PACSIN1: variants seen among roughly 807,000 people sequenced by gnomAD.
PACSIN1 encodes the protein protein kinase C and casein kinase substrate in neurons 1.
In PACSIN1, 15 loss-of-function variants were observed where a neutral mutation model predicts 59.5. That is an observed-to-expected ratio of 0.25 (90% confidence interval 0.17 to 0.39). PACSIN1 has a LOEUF of 0.39. PACSIN1 is among the 10% of genes least tolerant of loss of function. The pLI, the probability that PACSIN1 is intolerant of heterozygous loss-of-function variation, is 1.00. For missense variants in PACSIN1, 420 were observed against 580.2 expected, an observed-to-expected ratio of 0.72 and a Z score of 2.84; for synonymous variants, 210 against 220.6, an observed-to-expected ratio of 0.95 and a Z score of 0.42.
At chr6:34,494,104 G>T (rs1000907170) in intron 1 of PACSIN1, among the ~76,000 whole-genome samples, 1 of 152,176 alleles carries the variant, frequency 6.6e-6, no homozygotes, top group Non-Finnish European at 1.5e-5. Flanking sequence ...CTGAAACCAA[G>T]CTGTAGATTC....
intron 1 of PACSIN1, among the ~76,000 whole-genome samples, chr6:34,490,237 T>TA (rs1766856159): frequency 6.7e-6 from 1 of 148,436 alleles, no homozygotes; most frequent in Non-Finnish European, 1.5e-5. Context: ...TTTTTTTTTT[T>TA]TTTTTTTTTT....
In PACSIN1 at chr6:34,514,031, G is replaced by A. The variant is rs945746891; in HGVS notation, c.-63-12212G>A. On this transcript the variant is annotated intron_variant, in intron 1 of 9. Transcript: ENST00000244458. The surrounding 1 kb of genome is among the most constrained non-coding windows in gnomAD (Gnocchi z 4.4). ...ATGTGTGTGCACGTGTCTTAAAGAT[G>A]TGCGTATGCTGATATTAGTGTCACA... Among the ~76,000 whole-genome samples, 10 of 152,212 alleles carry A rather than the reference G, an allele frequency of 6.6e-5. No homozygotes were observed. The highest frequency in any genetic ancestry group is 2.2e-4 in the African/African-American group (9 of 41,446).
At chr6:34,522,834 T>C (rs1767417690) in intron 1 of PACSIN1, among the ~76,000 whole-genome samples, 1 of 152,340 alleles carries the variant, frequency 6.6e-6, no homozygotes, top group South Asian at 2.1e-4. Flanking sequence ...GGAGATCTGA[T>C]GTCCAGGGGC....
intron 1 of PACSIN1, among the ~76,000 whole-genome samples, chr6:34,496,701 C>A (rs548774570): frequency 2.0e-4 from 30 of 152,270 alleles, no homozygotes; most frequent in South Asian, 1.5e-3. Flanking sequence ...ATGGTTAGAC[C>A]AGACAAAATG....
intron 1 of PACSIN1, among the ~76,000 whole-genome samples, chr6:34,503,519 G>T (rs1201449080): frequency 6.6e-6 from 1 of 152,114 alleles, no homozygotes; most frequent in Non-Finnish European, 1.5e-5. Flanking sequence ...GCCCAGCCTG[G>T]TGCAGGCTGC....
intron 1 of PACSIN1, among the ~76,000 whole-genome samples, chr6:34,511,883 G>T (rs1051670123): frequency 2.6e-5 from 4 of 152,114 alleles, no homozygotes; most frequent in African/African-American, 9.7e-5. Flanking sequence ...GGATAAGGAG[G>T]CAAGGAGGGG....
intron 1 of PACSIN1, among the ~76,000 whole-genome samples, chr6:34,475,898 C>A (rs1766632667): frequency 6.6e-6 from 1 of 152,176 alleles, no homozygotes; most frequent in Admixed American, 6.5e-5. Context: ...GGTTGCACAG[C>A]CAGGAAGGGG....
chr6:34,476,398 C>A (rs1766639034), intron 1 of PACSIN1, among the ~76,000 whole-genome samples: 1 of 152,306 alleles, frequency 6.6e-6, no homozygotes, highest in East Asian at 1.9e-4. Context: ...CTGCTTCCTG[C>A]AGCCCCTTCC....
At position 34,535,074 on chromosome 6, in the gene PACSIN1, C is replaced by G. The variant is rs1767670572; in HGVS notation, c.*2544C>G. 1 of 152,540 alleles carries G rather than the reference C, an allele frequency of 6.6e-6. No homozygotes were observed. Among genetic ancestry groups the G allele is most frequent in the Non-Finnish European group, 1.5e-5 (1 of 68,052 alleles). The allele number at this position is 152,540 out of a possible 1,614,324, so 9.4% of individuals were successfully genotyped here. A position where few individuals can be genotyped will look rare whatever the true frequency, so the allele number is the denominator to read the frequency against. ...CCTAGGCTTCCTGACTCCATTAGTT[C>G]CGACACTTGTGAAACTCCGAGAAGT... On this transcript the variant is annotated 3_prime_UTR_variant, in exon 10 of 10. Transcript: ENST00000244458.
rs368227704 is a variant in PACSIN1, at chr6:34,469,559, G to T, written c.-64+3289G>T. 3.4e-4 allele frequency among the ~76,000 whole-genome samples: 52 copies of T among 152,356 alleles called. No homozygotes were observed. The South Asian group carries it at 0.011, about 31-fold the overall frequency. On this transcript the variant is annotated intron_variant, in intron 1 of 9. Coordinates refer to ENST00000244458, the MANE Select transcript of PACSIN1 (RefSeq NM_020804.5). ...AAGTGGACTCTGATGCAGCCCAACA[G>T]GCAACAGGGTGCCCTGGGGCTAGAG...
chr6:34,513,267 G>C (rs1177223512), intron 1 of PACSIN1, among the ~76,000 whole-genome samples: 1 of 152,202 alleles, frequency 6.6e-6, no homozygotes, highest in Non-Finnish European at 1.5e-5. Flanking sequence ...TGATTGAGAG[G>C]GGTCTTGGAA....
At chr6:34,528,337 C>A (rs368273334) in intron 3 of PACSIN1, among the ~76,000 whole-genome samples, 1 of 152,222 alleles carries the variant, frequency 6.6e-6, no homozygotes, top group Non-Finnish European at 1.5e-5. Context: ...AGGCTGCCCC[C>A]CTCCGACCCC....
intron 1 of PACSIN1, among the ~76,000 whole-genome samples, chr6:34,510,684 G>C (rs1767187476): frequency 6.6e-6 from 1 of 152,116 alleles, no homozygotes. Context: ...AAATGTTCCT[G>C]CCTCATACTC....
chr6:34,531,548 C>A lies in PACSIN1; in HGVS notation c.1038-52C>A. On this transcript the variant is annotated intron_variant, in intron 8 of 9. Coordinates refer to ENST00000244458, the MANE Select transcript of PACSIN1 (RefSeq NM_020804.5). This position sits in a 1 kb window ranked among gnomAD's most constrained non-coding sequence, Gnocchi z 4.4. ...CTGATTAGGAGGAGCGGTTAGCCCTCGGGATGCGGTACGGGGAGACATTGA... is the reference window on the plus strand; with the variant it reads ...CTGATTAGGAGGAGCGGTTAGCCCTAGGGATGCGGTACGGGGAGACATTGA... 1.3e-6 allele frequency: 2 copies of A among 1,574,688 alleles called. No homozygotes were observed. The highest frequency in any genetic ancestry group is 1.1e-5 in the South Asian group (1 of 88,726).
Position 34,526,348 on chromosome 6 carries a change from A to G in PACSIN1, c.43A>G (p.Thr15Ala). The change falls in exon 2 of 10, where the codon ACC becomes GCC. Residue 15 changes from threonine to alanine, a missense_variant. Coordinates refer to ENST00000244458, the MANE Select transcript of PACSIN1 (RefSeq NM_020804.5). ...YDEASLAPEE[T>A]TDSFWEVGNY... ...TGAGGCCTCACTGGCGCCAGAGGAG[A>G]CCACCGACAGCTTCTGGGAGGTGAG... 1.2e-6 allele frequency: 2 copies of G among 1,612,100 alleles called. No individual in the cohort carries two copies. The highest frequency in any genetic ancestry group is 1.7e-6 in the Non-Finnish European group (2 of 1,179,782).
chr6:34,469,106 G>A (rs921285666), intron 1 of PACSIN1, among the ~76,000 whole-genome samples: 2 of 151,848 alleles, frequency 1.3e-5, no homozygotes, highest in African/African-American at 4.8e-5. Flanking sequence ...GAGGACATGA[G>A]GGGTGGGGGC....
intron 1 of PACSIN1, among the ~76,000 whole-genome samples, chr6:34,484,368 G>A (rs1236016740): frequency 6.6e-6 from 1 of 152,172 alleles, no homozygotes; most frequent in African/African-American, 2.4e-5. Flanking sequence ...CACACTGTAT[G>A]ATTCCAACTA....
At chr6:34,519,448 G>A (rs181560832) in intron 1 of PACSIN1, among the ~76,000 whole-genome samples, 80 of 152,284 alleles carry the variant, frequency 5.3e-4, no homozygotes, top group African/African-American at 1.9e-3. Flanking sequence ...CAAAGAGAAA[G>A]CAAGAGGAAG....
rs1224083607 is a variant in PACSIN1, at chr6:34,521,367, C to T, written c.-63-4876C>T. Among the ~76,000 whole-genome samples the T allele has an allele frequency of 2.0e-5, 3 of 152,134 alleles. No individual in the cohort carries two copies. Among genetic ancestry groups the T allele is most frequent in the Non-Finnish European group, 4.4e-5 (3 of 68,006 alleles). ...TTGGTCCACACGAGGCCTGGCCTCT[C>T]CAGGCTCCTGCTCTTAATTCCTCTG... On this transcript the variant is annotated intron_variant, in intron 1 of 9. Coordinates refer to ENST00000244458, the MANE Select transcript of PACSIN1 (RefSeq NM_020804.5). The surrounding 1 kb of genome is among the most constrained non-coding windows in gnomAD (Gnocchi z 4.3).
Sources: gnomAD v4.1 joint callset for allele counts (sites outside exome capture counted in the v4.1 genomes callset) on GRCh38, gnomAD v4.1.1 for gene constraint, Gnocchi (gnomAD v3.1) non-coding constraint, MANE v1.5 for transcripts, NCBI Gene and HGNC (gene_info 2026-07-23, HGNC 2026-07-21) for gene names.